Variants in MBD5 observed in about 807,000 individuals in gnomAD.
MBD5 encodes methyl-CpG-binding domain protein 5.
Under a neutral mutation model 117.3 loss-of-function variants are expected in MBD5, and 13 were observed. The observed-to-expected ratio is 0.11, with a 90% CI of 0.07 to 0.18. The LOEUF (loss-of-function observed/expected upper bound fraction) is 0.18. Among genes scored for constraint, MBD5 ranks in the 10% least tolerant of loss-of-function variants. The probability of loss-of-function intolerance (pLI) is 1.00; values close to 1 mark genes in which losing one functional copy is unlikely to be tolerated. For missense variants in MBD5, 1,879 were observed against 2,093.8 expected, an observed-to-expected ratio of 0.90 and a Z score of 2.00; for synonymous variants, 727 against 766.4, an observed-to-expected ratio of 0.95 and a Z score of 0.85.
chr2:148,213,940 A>G (rs1217830633), intron 2 of MBD5, among the ~76,000 whole-genome samples: 1 of 152,204 alleles, frequency 6.6e-6, no homozygotes, highest in East Asian at 1.9e-4. Context: ...AACAAAAAAT[A>G]CCATGATGTC....
intron 1 of MBD5, among the ~76,000 whole-genome samples, chr2:148,046,128 C>T (rs896836641): frequency 6.6e-6 from 1 of 151,724 alleles, no homozygotes; most frequent in Non-Finnish European, 1.5e-5. Context: ...GGACTACAGG[C>T]GTGTGCCATC....
At chr2:148,298,314 G>C (rs901808062) in intron 3 of MBD5, among the ~76,000 whole-genome samples, 2 of 152,188 alleles carry the variant, frequency 1.3e-5, no homozygotes, top group African/African-American at 4.8e-5. Context: ...AGAGCCCTTG[G>C]CTGGGAGGTG....
chr2:148,266,307 C>T (rs1036917362), intron 3 of MBD5, among the ~76,000 whole-genome samples: 2 of 151,744 alleles, frequency 1.3e-5, no homozygotes, highest in Non-Finnish European at 2.9e-5. Flanking sequence ...ATGGTCATCC[C>T]AATAGATACA....
chr2:148,367,390 GCAATACCATTCAGGACATAGA>G (rs1703732413), intron 4 of MBD5, among the ~76,000 whole-genome samples: 1 of 152,122 alleles, frequency 6.6e-6, no homozygotes, highest in South Asian at 2.1e-4. Context: ...GAAAACCTAG[GCAATACCATTCAGGACATAGA>G]CATGGGCAAA....
chr2:148,361,341 C>T (rs1210667466), intron 4 of MBD5, among the ~76,000 whole-genome samples: 1 of 150,868 alleles, frequency 6.6e-6, no homozygotes, highest in African/African-American at 2.5e-5. Context: ...CAGAGTGAGA[C>T]TCTGTCTCAA....
At chr2:148,252,144 G>A (rs1415116292) in intron 3 of MBD5, among the ~76,000 whole-genome samples, 1 of 152,130 alleles carries the variant, frequency 6.6e-6, no homozygotes, top group African/African-American at 2.4e-5. Flanking sequence ...GGCTTTTGCT[G>A]TCCAGAGTAT....
intron 3 of MBD5, among the ~76,000 whole-genome samples, chr2:148,338,959 G>A (rs900229934): frequency 2.6e-5 from 4 of 152,160 alleles, no homozygotes; most frequent in Non-Finnish European, 5.9e-5. Flanking sequence ...GCTGGATTCC[G>A]TAGACAGGAC....
intron 1 of MBD5, chr2:148,062,563 A>G (rs1297084506): frequency 6.6e-6 from 1 of 152,026 alleles, no homozygotes; most frequent in Non-Finnish European, 1.5e-5. Context: ...CTTCAAGTAA[A>G]CAATGTTTTC....
At chr2:148,235,518 C>T (rs1393070142) in intron 3 of MBD5, among the ~76,000 whole-genome samples, 1 of 152,006 alleles carries the variant, frequency 6.6e-6, no homozygotes. Flanking sequence ...CATTTATTTT[C>T]CACATTTTTA....
intron 1 of MBD5, among the ~76,000 whole-genome samples, chr2:148,076,773 T>TAACTG (rs1322375240): frequency 6.6e-6 from 1 of 152,236 alleles, no homozygotes; most frequent in Non-Finnish European, 1.5e-5. Flanking sequence ...ATTTATTAAG[T>TAACTG]AACTGCTATG....
At chr2:148,382,313 G>T (rs978690809) in intron 4 of MBD5, among the ~76,000 whole-genome samples, 12 of 151,986 alleles carry the variant, frequency 7.9e-5, no homozygotes, top group African/African-American at 1.9e-4. Context: ...TCCTAGTCTC[G>T]GATAAAACAG....
intron 1 of MBD5, among the ~76,000 whole-genome samples, chr2:148,034,760 T>C (rs910372012): frequency 1.3e-5 from 2 of 152,212 alleles, no homozygotes; most frequent in African/African-American, 4.8e-5. Context: ...GTTGCATCCT[T>C]AGCGGCTTTG....
chr2:148,266,295 A>T (rs1323107209), intron 3 of MBD5, among the ~76,000 whole-genome samples: 2 of 152,156 alleles, frequency 1.3e-5, no homozygotes, highest in Non-Finnish European at 2.9e-5. Flanking sequence ...GAGAAAAACC[A>T]TATGGTCATC....
At chr2:148,421,012 A>G (rs1277216635) in intron 4 of MBD5, among the ~76,000 whole-genome samples, 3 of 152,212 alleles carry the variant, frequency 2.0e-5, no homozygotes, top group Non-Finnish European at 4.4e-5. Context: ...TACAGGCATG[A>G]GCCACTACAC....
intron 1 of MBD5, among the ~76,000 whole-genome samples, chr2:148,125,866 AT>A (rs1015040907): frequency 2.0e-5 from 3 of 152,160 alleles, no homozygotes; most frequent in East Asian, 1.9e-4. Flanking sequence ...GTTTCTAAAT[AT>A]TTTTTTAAAG....
At chr2:148,510,522 A>G (rs772664651) in intron 13 of MBD5, among the ~76,000 whole-genome samples, 4 of 152,232 alleles carry the variant, frequency 2.6e-5, no homozygotes, top group Non-Finnish European at 5.9e-5. Flanking sequence ...TGGGGTCAAG[A>G]TCAAGAGTAT....
At chr2:148,372,108 G>T (rs1270429698) in intron 4 of MBD5, among the ~76,000 whole-genome samples, 1 of 152,086 alleles carries the variant, frequency 6.6e-6, no homozygotes. Context: ...AGTAAGAGCT[G>T]CTAGCCCATA....
In MBD5 at chr2:148,021,531, T is replaced by G; in HGVS notation, c.-1078T>G. ...TGCTGCTACTGCTGCTGCTTGGCCC[T>G]GGCTGGAGACATCTCACTACACCCA... On this transcript the variant is annotated 5_prime_UTR_variant, in exon 1 of 14. Transcript: ENST00000642680. 1 of 563,666 alleles carries G rather than the reference T, an allele frequency of 1.8e-6. No homozygotes were observed. Among genetic ancestry groups the G allele is most frequent in the Non-Finnish European group, 3.4e-6 (1 of 292,892 alleles). The allele number at this position is 563,666 out of a possible 1,614,324, so 34.9% of individuals were successfully genotyped here.
intron 4 of MBD5, among the ~76,000 whole-genome samples, chr2:148,362,375 T>C (rs62183970): frequency 0.11 from 16,878 of 152,116 alleles, 1,104 homozygotes; most frequent in African/African-American, 0.16. Flanking sequence ...ATCAGGAAGT[T>C]CGAACTGGGC....
Sources: gnomAD v4.1 joint callset for allele counts (sites outside exome capture counted in the v4.1 genomes callset) on GRCh38, gnomAD v4.1.1 for gene constraint, MANE v1.5 for transcripts, NCBI Gene and HGNC (gene_info 2026-07-23, HGNC 2026-07-21) for gene names.